ATP6V0A4: variants seen among roughly 807,000 people sequenced by gnomAD.
The protein encoded by ATP6V0A4 is ATPase H+ transporting V0 subunit a4, also known as V-type proton ATPase 116 kDa subunit a 4.
Under a neutral mutation model 107.3 loss-of-function variants are expected in ATP6V0A4, and 86 were observed. The observed-to-expected ratio is 0.80, with a 90% confidence interval of 0.67 to 0.96. The LOEUF (loss-of-function observed/expected upper bound fraction) is 0.96, where lower values mean the gene tolerates loss of function less well. Ranked by LOEUF, ATP6V0A4 falls within the 40% of genes least tolerant of loss-of-function variation. ATP6V0A4 has a pLI of 0.00. For synonymous variants in ATP6V0A4, 353 were observed against 381.4 expected, an observed-to-expected ratio of 0.93 and a Z score of 0.87; for missense variants, 908 against 1,045.6, an observed-to-expected ratio of 0.87 and a Z score of 1.81.
chr7:138,720,722 T>C (rs996022560), intron 19 of ATP6V0A4, among the ~76,000 whole-genome samples: 2 of 152,014 alleles, frequency 1.3e-5, no homozygotes, highest in African/African-American at 4.8e-5. Context: ...TTGCAACCTC[T>C]GCCTCCCAGG....
intron 19 of ATP6V0A4, among the ~76,000 whole-genome samples, chr7:138,719,701 G>A (rs1804330804): frequency 1.3e-5 from 2 of 152,164 alleles, no homozygotes; most frequent in African/African-American, 4.8e-5. Flanking sequence ...CTCTCTGCCT[G>A]TCTGATTTAA....
At chr7:138,740,125 A>C (rs1364013965) in intron 14 of ATP6V0A4, among the ~76,000 whole-genome samples, 2 of 146,884 alleles carry the variant, frequency 1.4e-5, no homozygotes, top group Non-Finnish European at 3.0e-5. Flanking sequence ...GAGAAGGGGG[A>C]GAGGGGACAG....
chr7:138,752,609 T>TC lies in ATP6V0A4; in HGVS notation c.1029+15dup. The TC allele has an allele frequency of 3.1e-6, 5 of 1,612,284 alleles. No homozygotes were observed. The highest frequency in any genetic ancestry group is 4.2e-6 in the Non-Finnish European group (5 of 1,179,778). ...GCTGACTCATCGGACCCCTCCTGGC[T>TC]CCACCTGCCACGCACCATGCCTTGC... On this transcript the variant is annotated intron_variant, in intron 11 of 21. Coordinates refer to ENST00000310018, the MANE Select transcript of ATP6V0A4 (RefSeq NM_020632.3).
At chr7:138,771,347 A>C (rs953192537) in intron 2 of ATP6V0A4, 83 bp from the exon 3 acceptor site, 3 of 1,483,574 alleles carry the variant, frequency 2.0e-6, no homozygotes, top group Admixed American at 3.8e-5. Context: ...AAGTTAAATT[A>C]AAATCTAACA....
chr7:138,739,047 T>C (rs1301176411), intron 15 of ATP6V0A4, among the ~76,000 whole-genome samples: 1 of 152,212 alleles, frequency 6.6e-6, no homozygotes, highest in Non-Finnish European at 1.5e-5. Flanking sequence ...TCTAGCTGAC[T>C]GAGATAGATA....
intron 21 of ATP6V0A4, 31 bp from the exon 22 acceptor site, chr7:138,706,748 A>G: frequency 6.2e-7 from 1 of 1,611,536 alleles, no homozygotes. Flanking sequence ...TGGGGTAAGA[A>G]ATGGGAGATT....
At chr7:138,792,200 C>T (rs1327555541) in intron 1 of ATP6V0A4, among the ~76,000 whole-genome samples, 2 of 151,982 alleles carry the variant, frequency 1.3e-5, no homozygotes, top group Admixed American at 6.6e-5. Context: ...CCCAGCTACT[C>T]GGGAGGCTGA....
intron 19 of ATP6V0A4, among the ~76,000 whole-genome samples, chr7:138,717,172 T>G (rs1275258935): frequency 1.3e-5 from 2 of 152,072 alleles, no homozygotes; most frequent in Non-Finnish European, 2.9e-5. Flanking sequence ...GGAGCTCAGG[T>G]GGAACTACCG....
chr7:138,747,658 G>C, intron 12 of ATP6V0A4, 94 bp from the exon 13 acceptor site: 1 of 1,553,810 alleles, frequency 6.4e-7, no homozygotes, highest in South Asian at 1.2e-5. Flanking sequence ...TTTGCATGCG[G>C]GTTTCCTTAA....
chr7:138,725,376 G>A (rs1804654655), intron 18 of ATP6V0A4, among the ~76,000 whole-genome samples: 1 of 152,202 alleles, frequency 6.6e-6, no homozygotes, highest in South Asian at 2.1e-4. Context: ...TTGGATGAGA[G>A]AAGATAGATC....
intron 5 of ATP6V0A4, among the ~76,000 whole-genome samples, chr7:138,765,277 A>T (rs1807028545): frequency 6.6e-6 from 1 of 152,178 alleles, no homozygotes; most frequent in Admixed American, 6.5e-5. Context: ...TCTCAGAGAA[A>T]GCCATTACCC....
At chr7:138,720,892 C>T (rs1379072418) in intron 19 of ATP6V0A4, among the ~76,000 whole-genome samples, 1 of 152,138 alleles carries the variant, frequency 6.6e-6, no homozygotes, top group Non-Finnish European at 1.5e-5. Context: ...CCGCCTTGGC[C>T]TCCCAAAGTG....
chr7:138,784,257 TATATATATAC>T (rs1309786512), intron 2 of ATP6V0A4, among the ~76,000 whole-genome samples: 5 of 32,834 alleles, frequency 1.5e-4, no homozygotes, highest in African/African-American at 2.0e-4. Flanking sequence ...TATATACATA[TATATATATAC>T]ATATATATAT....
chr7:138,708,012 TTTTATTTTA>T (rs913961760), intron 21 of ATP6V0A4, among the ~76,000 whole-genome samples: 17 of 146,744 alleles, frequency 1.2e-4, no homozygotes, highest in African/African-American at 4.1e-4. Flanking sequence ...ATGATTTATG[TTTTATTTTA>T]TTTATTTATT....
At chr7:138,709,911 A>C (rs1377261544) in intron 20 of ATP6V0A4, 116 bp from the exon 21 acceptor site, 1 of 1,229,168 alleles carries the variant, frequency 8.1e-7, no homozygotes, top group Non-Finnish European at 1.1e-6. Context: ...ACAGGGTCTC[A>C]CTCTGTTGCC....
At chr7:138,740,020 G>C (rs1380225481) in intron 14 of ATP6V0A4, among the ~76,000 whole-genome samples, 3 of 151,726 alleles carry the variant, frequency 2.0e-5, no homozygotes, top group Non-Finnish European at 4.4e-5. Flanking sequence ...CCTTGAGCCT[G>C]GGAGGTCAAG....
chr7:138,769,053 G>C (rs981111057), intron 4 of ATP6V0A4, 120 bp downstream of exon 4: 1 of 1,578,768 alleles, frequency 6.3e-7, no homozygotes, highest in African/African-American at 1.4e-5. Context: ...TGGGCCTCTG[G>C]GACCACCTCA....
In ATP6V0A4 at chr7:138,761,491, C is replaced by T. The variant is rs558323009; in HGVS notation, c.512+849G>A. Among the ~76,000 whole-genome samples the T allele has an allele frequency of 2.1e-3, 318 of 151,888 alleles. 1 individual carries two copies. The highest frequency in any genetic ancestry group is 3.6e-3 in the Non-Finnish European group (243 of 67,940). ...CTACCAAAAACACAAAAAAATTAGC[C>T]GGGTGTGGTGGCAGACGCCTGTAGT... On this transcript the variant is annotated intron_variant, in intron 7 of 21. Coordinates refer to ENST00000310018, the MANE Select transcript of ATP6V0A4 (RefSeq NM_020632.3).
intron 18 of ATP6V0A4, among the ~76,000 whole-genome samples, chr7:138,725,879 G>T (rs115755653): frequency 6.6e-6 from 1 of 152,108 alleles, no homozygotes; most frequent in Non-Finnish European, 1.5e-5. Context: ...ACGTGTTCAT[G>T]CTGCGATACT....
Sources: allele counts gnomAD v4.1 joint callset (sites outside exome capture counted in the v4.1 genomes callset), GRCh38; gene constraint gnomAD v4.1.1; transcripts MANE v1.5; gene names NCBI Gene and HGNC (gene_info 2026-07-23, HGNC 2026-07-21).